ABCA13: variants seen among roughly 807,000 people sequenced by gnomAD.
ABCA13 encodes ATP binding cassette subfamily A member 13, also known as ATP-binding cassette sub-family A member 13.
Under a neutral mutation model 478.7 loss-of-function variants are expected in ABCA13, and 476 were observed. That is an observed-to-expected ratio of 0.99 (90% CI 0.92 to 1.07). The LOEUF is 1.07. Ranked by LOEUF, ABCA13 falls within the 50% of genes least tolerant of loss-of-function variation. The pLI is 0.00. For synonymous variants in ABCA13, 2,252 were observed against 2,158.9 expected (o/e 1.04, Z -1.20); for missense variants, 6,060 against 5,910.6 (o/e 1.03, Z -0.83).
chr7:48,471,806 C>T (rs1827534533), intron 45 of ABCA13, among the ~76,000 whole-genome samples: 2 of 152,190 alleles, frequency 1.3e-5, no homozygotes, highest in South Asian at 4.1e-4. Flanking sequence ...GTGCCCCTCT[C>T]CTTCATTGCC....
intron 45 of ABCA13, among the ~76,000 whole-genome samples, chr7:48,475,458 ATTTTTT>A (rs398047655): frequency 6.0e-5 from 6 of 100,474 alleles, no homozygotes; most frequent in Admixed American, 2.6e-4. Flanking sequence ...TGTCAATTTA[ATTTTTT>A]TTTTTTTTTT....
At chr7:48,375,824 A>T (rs1055641459) in intron 34 of ABCA13, among the ~76,000 whole-genome samples, 9 of 152,138 alleles carry the variant, frequency 5.9e-5, no homozygotes, top group African/African-American at 2.2e-4. Flanking sequence ...AAAATGATAG[A>T]AACAAAAAAT....
At chr7:48,465,542 A>G (rs1826779880) in intron 43 of ABCA13, among the ~76,000 whole-genome samples, 1 of 120,690 alleles carries the variant, frequency 8.3e-6, no homozygotes, top group Admixed American at 8.4e-5. Context: ...TTTTTTTTGC[A>G]TTTTCTGTTT....
At chr7:48,608,435 C>T (rs1585968293) in intron 58 of ABCA13, among the ~76,000 whole-genome samples, 1 of 152,238 alleles carries the variant, frequency 6.6e-6, no homozygotes, top group Admixed American at 6.5e-5. Context: ...GAACATGTGG[C>T]TGGCCTGGGC....
At chr7:48,245,424 C>T in intron 11 of ABCA13, 88 bp from the exon 12 acceptor site, 1 of 988,874 alleles carries the variant, frequency 1.0e-6, no homozygotes, top group South Asian at 2.0e-5. Flanking sequence ...TCCATGTTTT[C>T]AGGATCCAGT....
intron 22 of ABCA13, 32 bp from the exon 23 acceptor site, chr7:48,298,334 T>C (rs913292594): frequency 1.3e-6 from 2 of 1,580,442 alleles, no homozygotes; most frequent in Non-Finnish European, 8.6e-7. Context: ...AAACCTTTAT[T>C]ACACAAATTT....
chr7:48,231,790 T>C (rs1204403093), intron 7 of ABCA13, among the ~76,000 whole-genome samples: 2 of 152,116 alleles, frequency 1.3e-5, no homozygotes, highest in Non-Finnish European at 1.5e-5. Context: ...GCCAACCAAA[T>C]AGCTGGGACT....
intron 29 of ABCA13, among the ~76,000 whole-genome samples, chr7:48,349,578 C>T (rs1411389198): frequency 6.6e-6 from 1 of 152,200 alleles, no homozygotes; most frequent in South Asian, 2.1e-4. Flanking sequence ...CAAACATGGG[C>T]TGGGTGCCAA....
intron 59 of ABCA13, among the ~76,000 whole-genome samples, chr7:48,624,346 C>G (rs774384679): frequency 6.6e-6 from 1 of 152,108 alleles, no homozygotes; most frequent in Non-Finnish European, 1.5e-5. Flanking sequence ...CATGCGGCAT[C>G]TATTTGCTTT....
Position 48,427,797 on chromosome 7 carries a change from A to C in ABCA13, c.12491A>C (p.Lys4164Thr), listed in dbSNP as rs370827481. 23 of 1,613,708 alleles carry C rather than the reference A, an allele frequency of 1.4e-5. No individual in the cohort carries two copies. The highest frequency in any genetic ancestry group is 1.9e-5 in the Non-Finnish European group (22 of 1,179,776). Residue 4164 changes from lysine (K) to threonine (T), a missense_variant, in exon 42 of 62, where the codon AAG becomes ACG. Physicochemically the swap from Lys to Thr is moderately conservative, Grantham distance 78. Around this residue, in one of 3 missense-constraint regions of ABCA13, gnomAD observed 1,627 missense variants for 1,571.0 expected, o/e 1.04. Coordinates refer to ENST00000435803, the MANE Select transcript of ABCA13 (RefSeq NM_152701.5). ...TTGATGCTTTTGCAAGATTCCAACA[A>C]GAAATCTCACATTGCCCTGGGGACT... is the stretch of plus-strand genomic sequence containing the variant. ...VFLMLLQDSN[K>T]KSHIALGTES... is the part of the protein sequence containing the mutation.
chr7:48,173,026 C>A (rs2128843292), intron 1 of ABCA13, among the ~76,000 whole-genome samples: 1 of 152,184 alleles, frequency 6.6e-6, no homozygotes, highest in East Asian at 1.9e-4. Context: ...GCTCTTTCTG[C>A]TTTATGCATA....
In ABCA13 at chr7:48,219,387, G is replaced by T. The variant is rs762870247; in HGVS notation, c.321G>T (p.Lys107Asn). Residue 107 changes from lysine to asparagine, a missense_variant, in exon 4 of 62, where the codon AAG (lysine) becomes AAT (asparagine). Lys to Asn is a moderately conservative substitution (Grantham distance 94). Transcript: ENST00000435803. ...GGTTCCAAACTGCAGCTGACCCCAA[G>T]AAAGTCAACAACCTGGCCTTTTTAA... ...LSRFQTAADPKKVNNLAFLKE... is the reference protein window; with the variant it reads ...LSRFQTAADPNKVNNLAFLKE... 4 of 1,612,740 alleles carry T rather than the reference G, an allele frequency of 2.5e-6. No individual in the cohort carries two copies. The East Asian group carries it at 6.7e-5, about 27-fold the overall frequency.
At chr7:48,197,200 AT>A (rs1482792574) in intron 2 of ABCA13, among the ~76,000 whole-genome samples, 1 of 152,188 alleles carries the variant, frequency 6.6e-6, no homozygotes, top group Non-Finnish European at 1.5e-5. Flanking sequence ...CTCGAGCTAC[AT>A]ATGAATGTGA....
chr7:48,605,720 G>A (rs1791401070), intron 58 of ABCA13, among the ~76,000 whole-genome samples: 1 of 152,080 alleles, frequency 6.6e-6, no homozygotes, highest in South Asian at 2.1e-4. Flanking sequence ...GAATATCTTT[G>A]TGGTGTTCTC....
chr7:48,444,334 C>T (rs962369034), intron 42 of ABCA13, among the ~76,000 whole-genome samples: 7 of 152,184 alleles, frequency 4.6e-5, no homozygotes, highest in African/African-American at 1.7e-4. Context: ...ATCGTCGTCT[C>T]TCACTTGAGC....
intron 41 of ABCA13, among the ~76,000 whole-genome samples, chr7:48,427,465 G>T (rs1220149920): frequency 6.6e-6 from 1 of 152,180 alleles, no homozygotes; most frequent in Non-Finnish European, 1.5e-5. Context: ...GATACACTGT[G>T]TTGCTATCTG....
At chr7:48,581,431 C>T (rs1453742356) in intron 56 of ABCA13, among the ~76,000 whole-genome samples, 1 of 152,146 alleles carries the variant, frequency 6.6e-6, no homozygotes, top group African/African-American at 2.4e-5. Context: ...AACTGACCAC[C>T]CCACAGAGAC....
At chr7:48,379,747 A>G (rs1450395829) in intron 35 of ABCA13, among the ~76,000 whole-genome samples, 1 of 152,260 alleles carries the variant, frequency 6.6e-6, no homozygotes, top group Non-Finnish European at 1.5e-5. Context: ...AAATAACTTC[A>G]GTTGAAGTAG....
chr7:48,251,561 C>T (rs1461825955), intron 15 of ABCA13, among the ~76,000 whole-genome samples: 2 of 152,160 alleles, frequency 1.3e-5, no homozygotes, highest in African/African-American at 4.8e-5. Flanking sequence ...TTTCTTTGGA[C>T]AGACCCTTGC....
Sources: gnomAD v4.1 joint callset for allele counts (sites outside exome capture counted in the v4.1 genomes callset) on GRCh38, gnomAD v4.1.1 for gene constraint, gnomAD v4.1.1 regional missense constraint, MANE v1.5 for transcripts, NCBI Gene and HGNC (gene_info 2026-07-23, HGNC 2026-07-21) for gene names.